Variants in IBA57 observed in about 807,000 individuals in gnomAD.
The protein encoded by IBA57 is iron-sulfur cluster assembly factor IBA57, mitochondrial.
In IBA57, 20 loss-of-function variants were observed where a neutral mutation model predicts 20.4. The observed-to-expected ratio is 0.98, with a 90% CI of 0.69 to 1.42. The LOEUF (loss-of-function observed/expected upper bound fraction) is 1.42, where lower values mean the gene tolerates loss of function less well. Among genes scored for constraint, IBA57 ranks in the 40% most tolerant of loss-of-function variants. The pLI is 0.00. For missense variants in IBA57, 608 were observed against 499.3 expected (o/e 1.22, Z -2.07); for synonymous variants, 310 against 233.9 (o/e 1.33, Z -2.97).
At position 228,165,822 on chromosome 1, in the gene IBA57, G is replaced by T; in HGVS notation, c.6G>T (p.Ala2=). 7.7e-7 allele frequency: 1 copy of T among 1,299,252 alleles called. No individual in the cohort carries two copies. Among genetic ancestry groups the T allele is most frequent in the South Asian group, 2.4e-5 (1 of 41,348 alleles). The allele number at this position is 1,299,252 out of a possible 1,614,324, so 80.5% of individuals were successfully genotyped here. ...CTGCCCCACTCTTGTCCAAGATGGC[G>T]ACCGCGGCGCTGCTTCGAGGCGCCA... M[A]TAALLRGATP... Residue 2 remains alanine (A), a synonymous_variant, in exon 1 of 3, where the codon GCG becomes GCT. Transcript: ENST00000366711.
At position 228,166,120 on chromosome 1, in the gene IBA57, G is replaced by T. The variant is rs753218907; in HGVS notation, c.304G>T (p.Val102Leu). 6.5e-7 allele frequency: 1 copy of T among 1,536,296 alleles called. No individual in the cohort carries two copies. Among genetic ancestry groups the T allele is most frequent in the Non-Finnish European group, 8.7e-7 (1 of 1,143,884 alleles). ...ARAGYAHFLN[V>L]QGRTLYDVIL... ...CGCGGGCTACGCCCACTTCCTGAAC[G>T]TGCAGGGCCGGACGCTCTATGACGT... is the stretch of plus-strand genomic sequence containing the variant. Residue 102 changes from valine (V) to leucine (L), a missense_variant, in exon 1 of 3, where the codon GTG (valine) becomes TTG (leucine). Val to Leu is a conservative substitution (Grantham distance 32, BLOSUM62 1). Transcript: ENST00000366711.
In IBA57 at chr1:228,180,539, A is replaced by T. The variant is rs1478445137; in HGVS notation, c.*5026A>T. On this transcript the variant is annotated 3_prime_UTR_variant, in exon 3 of 3. Coordinates refer to ENST00000366711, the MANE Select transcript of IBA57 (RefSeq NM_001010867.4). ...TTACAAGGCTTATCAGAGTTTTCAG[A>T]TAATCTCTAAAAGAATGGAAATATA... 1 of 152,206 alleles carries T rather than the reference A, an allele frequency of 6.6e-6. No homozygotes were observed. Among genetic ancestry groups the T allele is most frequent in the Admixed American group, 6.5e-5 (1 of 15,284 alleles). 9.4% of individuals were successfully genotyped at this position (152,206 alleles called of 1,614,324 possible). A position where few individuals can be genotyped will look rare whatever the true frequency, so the allele number is the denominator to read the frequency against.
intron 1 of IBA57, chr1:228,171,184 C>T (rs1015324467): frequency 1.1e-4 from 17 of 152,458 alleles, no homozygotes; most frequent in African/African-American, 3.8e-4. Flanking sequence ...GTCCCCTGCG[C>T]CCCTCAGCGG....
intron 1 of IBA57, among the ~76,000 whole-genome samples, chr1:228,168,272 T>TA (rs1571914724): frequency 6.6e-6 from 1 of 152,218 alleles, no homozygotes; most frequent in East Asian, 1.9e-4. Flanking sequence ...ATTTGTAGCT[T>TA]ACCGTATTGT....
chr1:228,175,388 A>C lies in IBA57; in HGVS notation c.946A>C (p.Asn316His), dbSNP rs2034999521. Residue 316 changes from asparagine (N) to histidine (H), a missense_variant, in exon 3 of 3, where the codon AAC becomes CAC. Transcript: ENST00000366711. ...TVGKFRAGQG[N>H]VGLALLWSEK... ...GGGCAAGTTCAGGGCTGGCCAGGGC[A>C]ACGTGGGGCTGGCCCTGCTGTGGTC... The C allele has an allele frequency of 6.2e-7, 1 of 1,612,920 alleles. No homozygotes were observed. The highest frequency in any genetic ancestry group is 8.5e-7 in the Non-Finnish European group (1 of 1,179,952).
intron 1 of IBA57, among the ~76,000 whole-genome samples, chr1:228,169,494 T>G (rs945285640): frequency 6.6e-6 from 1 of 152,020 alleles, no homozygotes; most frequent in African/African-American, 2.4e-5. Flanking sequence ...CCTCACAACT[T>G]CCCCCACCAG....
chr1:228,175,100 T>G (rs760694076), intron 2 of IBA57, 22 bp from the exon 3 acceptor site: 2 of 1,601,894 alleles, frequency 1.2e-6, no homozygotes, highest in South Asian at 2.2e-5. Context: ...TCTCGCTGGT[T>G]TCCCCCCTCC....
Position 228,175,714 on chromosome 1 carries a change from C to G in IBA57, c.*201C>G, listed in dbSNP as rs2035008283. 3.6e-6 allele frequency: 2 copies of G among 556,486 alleles called. No homozygotes were observed. Among genetic ancestry groups the G allele is most frequent in the East Asian group, 3.1e-5 (1 of 31,918 alleles). 34.5% of individuals were successfully genotyped at this position (556,486 alleles called of 1,614,324 possible). A position where few individuals can be genotyped will look rare whatever the true frequency, so the allele number is the denominator to read the frequency against. Reference sequence around the variant, plus strand: ...CCCCAGGCACGTGGGTTGTTTTCTCCCTGGACTTCCTGTGGCCCCAGAGGA... The same window carrying G: ...CCCCAGGCACGTGGGTTGTTTTCTCGCTGGACTTCCTGTGGCCCCAGAGGA... On this transcript the variant is annotated 3_prime_UTR_variant, in exon 3 of 3. Transcript: ENST00000366711.
In IBA57 at chr1:228,182,045, T is replaced by C. The variant is rs1385273261; in HGVS notation, c.*6532T>C. ...CTTAGTTTGTGCGCATCGGCATTTG[T>C]GGGAGAAATGAAGGATTAATACATT... On this transcript the variant is annotated 3_prime_UTR_variant, in exon 3 of 3. Transcript: ENST00000366711. The C allele has an allele frequency of 6.6e-6, 1 of 152,150 alleles. No individual in the cohort carries two copies. Among genetic ancestry groups the C allele is most frequent in the Non-Finnish European group, 1.5e-5 (1 of 68,030 alleles). The allele number at this position is 152,150 out of a possible 1,614,324, so 9.4% of individuals were successfully genotyped here. A position where few individuals can be genotyped will look rare whatever the true frequency, so the allele number is the denominator to read the frequency against.
In IBA57 at chr1:228,167,326, C is replaced by T. The variant is rs116593079; in HGVS notation, c.341+1169C>T. 8.5e-3 allele frequency among the ~76,000 whole-genome samples: 1,292 copies of T among 151,290 alleles called. 26 individuals carry two copies. The highest frequency in any genetic ancestry group is 0.029 in the African/African-American group (1,208 of 41,230). On this transcript the variant is annotated intron_variant, in intron 1 of 2. Transcript: ENST00000366711. ...ATAATAAAATTCTCTGGGAACCCCA[C>T]CCGTTGGATTCCAGGTGGTCTGGGG...
chr1:228,174,647 A>G, intron 1 of IBA57, 45 bp from the exon 2 acceptor site: 6 of 1,464,538 alleles, frequency 4.1e-6, no homozygotes, highest in Non-Finnish European at 5.4e-6. Context: ...TTTCTGGCCC[A>G]CTCAGTTGGT....
At chr1:228,167,194 G>A (rs2034865140) in intron 1 of IBA57, among the ~76,000 whole-genome samples, 1 of 151,992 alleles carries the variant, frequency 6.6e-6, no homozygotes, top group Non-Finnish European at 1.5e-5. Flanking sequence ...TCTTAGTTTG[G>A]GCTTTTTCCA....
At position 228,182,078 on chromosome 1, in the gene IBA57, A is replaced by G. The variant is rs893181851; in HGVS notation, c.*6565A>G. On this transcript the variant is annotated 3_prime_UTR_variant, in exon 3 of 3. Transcript: ENST00000366711. ...ATGAAGGATTAATACATTTTGTTTT[A>G]TGTCAGACTCTCTCAGTGAGAAGTT... The G allele has an allele frequency of 2.0e-5, 3 of 152,160 alleles. No homozygotes were observed. The highest frequency in any genetic ancestry group is 7.2e-5 in the African/African-American group (3 of 41,440). The allele number at this position is 152,160 out of a possible 1,614,324, so 9.4% of individuals were successfully genotyped here.
At chr1:228,175,072 A>G in intron 2 of IBA57, 43 bp downstream of exon 2, 4 of 1,582,088 alleles carry the variant, frequency 2.5e-6, no homozygotes, top group Non-Finnish European at 3.4e-6. Context: ...GCACGGGTGG[A>G]GCTGGACGAT....
chr1:228,175,680 G>A lies in IBA57; in HGVS notation c.*167G>A. On this transcript the variant is annotated 3_prime_UTR_variant, in exon 3 of 3. Transcript: ENST00000366711. Reference sequence around the variant, plus strand: ...AGGTGCCCTGCCTGGCCCCACCCATGCTCAGGGGCCCCAGGCACGTGGGTT... The same window carrying A: ...AGGTGCCCTGCCTGGCCCCACCCATACTCAGGGGCCCCAGGCACGTGGGTT... 1 of 856,686 alleles carries A rather than the reference G, an allele frequency of 1.2e-6. No individual in the cohort carries two copies. The highest frequency in any genetic ancestry group is 1.7e-6 in the Non-Finnish European group (1 of 597,556). 53.1% of individuals were successfully genotyped at this position (856,686 alleles called of 1,614,324 possible).
At chr1:228,166,309 G>A (rs1333275084) in intron 1 of IBA57, 152 bp downstream of exon 1, 2 of 543,166 alleles carry the variant, frequency 3.7e-6, no homozygotes, top group East Asian at 3.5e-5. Context: ...GCTCAAGGGT[G>A]GGTGGGCCAG....
intron 1 of IBA57, among the ~76,000 whole-genome samples, chr1:228,166,828 G>C (rs904241486): frequency 6.6e-6 from 1 of 152,190 alleles, no homozygotes; most frequent in African/African-American, 2.4e-5. Flanking sequence ...CGGTGGAGTG[G>C]ATCTGGTTCG....
chr1:228,177,483 CTTTTTTTTTTTTT>C lies in IBA57; in HGVS notation c.*1982_*1994del, dbSNP rs11313764. ...AACACATTTCGTGTTCTTCTGTGTC[CTTTTTTTTTTTTT>C]TTTTTTTTTTTGAGATGGAGTCTTG... On this transcript the variant is annotated 3_prime_UTR_variant, in exon 3 of 3. Transcript: ENST00000366711. The C allele has an allele frequency of 1.9e-5, 1 of 52,464 alleles. No homozygotes were observed. Among genetic ancestry groups the C allele is most frequent in the African/African-American group, 7.3e-5 (1 of 13,730 alleles). 3.2% of individuals were successfully genotyped at this position (52,464 alleles called of 1,614,324 possible).
In IBA57 at chr1:228,174,910, G is replaced by T; in HGVS notation, c.560G>T (p.Arg187Leu). The change falls in exon 2 of 3, where the codon CGC becomes CTC. Residue 187 changes from arginine to leucine, a missense_variant. Transcript: ENST00000366711. ...ERAGAAAILI[R>L]DPRTARMGWR... The stretch of plus-strand genomic sequence containing the variant: ...GCAGGGGCTGCCGCCATCCTCATCC[G>T]CGACCCGCGAACAGCACGCATGGGG... 1.2e-6 allele frequency: 2 copies of T among 1,601,266 alleles called. No individual in the cohort carries two copies. Among genetic ancestry groups the T allele is most frequent in the African/African-American group, 1.3e-5 (1 of 74,844 alleles).
Sources: gnomAD v4.1 joint callset for allele counts (sites outside exome capture counted in the v4.1 genomes callset) on GRCh38, gnomAD v4.1.1 for gene constraint, MANE v1.5 for transcripts, NCBI Gene and HGNC (gene_info 2026-07-23, HGNC 2026-07-21) for gene names.